Variants in MPP7 observed in about 807,000 individuals in gnomAD.
The protein encoded by MPP7 is MAGUK p55 scaffold protein 7, also known as MAGUK p55 subfamily member 7.
Under a neutral mutation model 76.5 loss-of-function variants are expected in MPP7, and 60 were observed. The observed-to-expected ratio is 0.78, with a 90% CI of 0.64 to 0.97. MPP7 has a LOEUF of 0.97. MPP7 is among the 50% of genes least tolerant of loss of function. The pLI is 0.00. For synonymous variants in MPP7, 237 were observed against 244.5 expected, an observed-to-expected ratio of 0.97 and a Z score of 0.29; for missense variants, 641 against 694.0, an observed-to-expected ratio of 0.92 and a Z score of 0.86.
At position 28,262,257 on chromosome 10, in the gene MPP7, A is replaced by G. The variant is rs1189610785; in HGVS notation, c.-131-23522T>C. On this transcript the variant is annotated intron_variant, in intron 1 of 16. Transcript: ENST00000683449. ...TATATATATATACATATATATATAT[A>G]TGTATATATATATATATATATTTTT... Among the ~76,000 whole-genome samples, 353 of 35,742 alleles carry G rather than the reference A, an allele frequency of 9.9e-3. 45 individuals are homozygous for G. Among genetic ancestry groups the G allele is most frequent in the African/African-American group, 0.043 (332 of 7,698 alleles). 23.4% of individuals were successfully genotyped at this position (35,742 alleles called of 152,430 possible).
At chr10:28,299,082 C>T (rs1841094343) in intron 1 of MPP7, among the ~76,000 whole-genome samples, 1 of 152,180 alleles carries the variant, frequency 6.6e-6, no homozygotes, top group African/African-American at 2.4e-5. Context: ...GTTTCACTTT[C>T]TTATCATTTG....
intron 3 of MPP7, among the ~76,000 whole-genome samples, chr10:28,163,399 C>T (rs765256149): frequency 1.6e-4 from 24 of 152,154 alleles, no homozygotes; most frequent in Non-Finnish European, 2.6e-4. Context: ...TACTATCTTA[C>T]CTATTCACCC....
At chr10:28,203,657 T>C (rs2133991732) in intron 2 of MPP7, among the ~76,000 whole-genome samples, 1 of 152,328 alleles carries the variant, frequency 6.6e-6, no homozygotes, top group East Asian at 1.9e-4. Flanking sequence ...CAATCTATAA[T>C]AATACAGGTT....
At chr10:28,233,696 C>T (rs1333503580) in intron 2 of MPP7, among the ~76,000 whole-genome samples, 8 of 140,460 alleles carry the variant, frequency 5.7e-5, no homozygotes, top group East Asian at 4.3e-4. Flanking sequence ...CCAGCCTGGG[C>T]GACAGAGCGA....
At chr10:28,208,624 G>A (rs1200448751) in intron 2 of MPP7, among the ~76,000 whole-genome samples, 1 of 152,186 alleles carries the variant, frequency 6.6e-6, no homozygotes, top group African/African-American at 2.4e-5. Context: ...ATAAGGAAGA[G>A]ATGCCTCCGC....
chr10:28,129,665 G>A (rs181129380), intron 6 of MPP7, among the ~76,000 whole-genome samples: 2 of 152,202 alleles, frequency 1.3e-5, no homozygotes, highest in South Asian at 2.1e-4. Flanking sequence ...AGGTGGCACA[G>A]TGAATTTCAG....
chr10:28,067,160 A>G (rs976404615), intron 13 of MPP7, among the ~76,000 whole-genome samples: 18 of 152,202 alleles, frequency 1.2e-4, no homozygotes, highest in African/African-American at 4.3e-4. Flanking sequence ...CATTCCCATC[A>G]GCAATGTGCA....
At chr10:28,140,313 C>G (rs1835474054) in intron 5 of MPP7, among the ~76,000 whole-genome samples, 1 of 152,116 alleles carries the variant, frequency 6.6e-6, no homozygotes, top group Admixed American at 6.5e-5. Flanking sequence ...AAGTTCGACA[C>G]CAGCCTGGCC....
intron 3 of MPP7, among the ~76,000 whole-genome samples, chr10:28,174,215 C>T (rs1259721308): frequency 6.6e-6 from 1 of 152,186 alleles, no homozygotes; most frequent in Non-Finnish European, 1.5e-5. Context: ...CGCAACAATA[C>T]CCAATTACCC....
chr10:28,314,417 C>T (rs888793845), intron 2 of MPP7, among the ~76,000 whole-genome samples: 3 of 152,180 alleles, frequency 2.0e-5, no homozygotes, highest in African/African-American at 7.2e-5. Context: ...CAAAAGAAAA[C>T]AAGGCAGATA....
At chr10:28,305,139 C>T (rs2133167395), upstream of MPP7, among the ~76,000 whole-genome samples, 1 of 152,284 alleles carries the variant, frequency 6.6e-6, no homozygotes. Context: ...AAAACACCAA[C>T]TTAGCAAAAC....
chr10:28,216,201 G>A (rs1043513135), intron 2 of MPP7, among the ~76,000 whole-genome samples: 3 of 151,390 alleles, frequency 2.0e-5, no homozygotes, highest in Non-Finnish European at 2.9e-5. Context: ...AACATAGCAA[G>A]ACCCCGTTTC....
chr10:28,221,170 A>G (rs528325940), intron 2 of MPP7, among the ~76,000 whole-genome samples: 3 of 152,178 alleles, frequency 2.0e-5, no homozygotes, highest in Non-Finnish European at 4.4e-5. Flanking sequence ...TCCACCGTGA[A>G]TTTTAGAAAA....
intron 3 of MPP7, among the ~76,000 whole-genome samples, chr10:28,177,516 A>G (rs1795631278): frequency 6.6e-6 from 1 of 152,198 alleles, no homozygotes; most frequent in Non-Finnish European, 1.5e-5. Flanking sequence ...GCTGTATTTC[A>G]AAATAACCTA....
chr10:28,176,082 G>A (rs773571463), intron 3 of MPP7, among the ~76,000 whole-genome samples: 12 of 152,120 alleles, frequency 7.9e-5, no homozygotes, highest in Non-Finnish European at 1.5e-4. Context: ...TAAATTAGAA[G>A]TTGGGAAGAG....
chr10:28,198,303 G>A (rs1031192255), intron 3 of MPP7, among the ~76,000 whole-genome samples: 3 of 152,126 alleles, frequency 2.0e-5, no homozygotes, highest in South Asian at 2.1e-4. Context: ...TAGGCCAGGC[G>A]CAGTGGCTCA....
At chr10:28,073,044 C>T (rs1852311052) in intron 12 of MPP7, among the ~76,000 whole-genome samples, 1 of 152,174 alleles carries the variant, frequency 6.6e-6, no homozygotes, top group Non-Finnish European at 1.5e-5. Flanking sequence ...GGTCTCCACG[C>T]ATAAACCAGG....
At chr10:28,055,279 T>C (rs1187884226) in intron 16 of MPP7, among the ~76,000 whole-genome samples, 1 of 152,120 alleles carries the variant, frequency 6.6e-6, no homozygotes, top group East Asian at 1.9e-4. Context: ...GTAACTAACA[T>C]TGTATGACAG....
At chr10:28,193,675 A>G (rs1837486528) in intron 3 of MPP7, among the ~76,000 whole-genome samples, 1 of 152,202 alleles carries the variant, frequency 6.6e-6, no homozygotes, top group Non-Finnish European at 1.5e-5. Context: ...ATCTGATAAA[A>G]GACTTGCATC....
Sources: allele counts gnomAD v4.1 joint callset (sites outside exome capture counted in the v4.1 genomes callset), GRCh38; gene constraint gnomAD v4.1.1; transcripts MANE v1.5; gene names NCBI Gene and HGNC (gene_info 2026-07-23, HGNC 2026-07-21).